CRYBG1: variants seen among roughly 807,000 people sequenced by gnomAD.
CRYBG1 encodes beta/gamma crystallin domain-containing protein 1.
CRYBG1 carries 139 observed loss-of-function variants against 189.2 expected under a neutral mutation model. The ratio of observed to expected loss-of-function variants is 0.73; its 90% CI spans 0.64 to 0.85. CRYBG1 has a LOEUF of 0.85. Among genes scored for constraint, CRYBG1 ranks in the 40% least tolerant of loss-of-function variants. The pLI, the probability that CRYBG1 is intolerant of heterozygous loss-of-function variation, is 0.00. For synonymous variants in CRYBG1, 1,023 were observed against 1,017.1 expected (o/e 1.01, Z -0.11); for missense variants, 2,611 against 2,675.8 (o/e 0.98, Z 0.53).
chr6:106,494,507 T>C (rs972042186), intron 2 of CRYBG1, among the ~76,000 whole-genome samples: 1 of 152,190 alleles, frequency 6.6e-6, no homozygotes, highest in African/African-American at 2.4e-5. Flanking sequence ...CTGGTGGTCA[T>C]GATGAAAGAA....
At chr6:106,464,785 C>G (rs189632293) in intron 2 of CRYBG1, among the ~76,000 whole-genome samples, 1 of 152,240 alleles carries the variant, frequency 6.6e-6, no homozygotes, top group Admixed American at 6.5e-5. Context: ...AATACTTCTT[C>G]CGAGAATTAA....
In CRYBG1 at chr6:106,360,962, G is replaced by T; in HGVS notation, c.54G>T (p.Arg18Ser). The T allele has an allele frequency of 6.5e-7, 1 of 1,535,218 alleles. No homozygotes were observed. The highest frequency in any genetic ancestry group is 8.7e-7 in the Non-Finnish European group (1 of 1,146,552). ...ACCCCGGGGAGCCCAGCCCGTGCAGGCCCCCTAAGAAGCACACCACCTTCC... is the reference window on the plus strand; with the variant it reads ...ACCCCGGGGAGCCCAGCCCGTGCAGTCCCCCTAAGAAGCACACCACCTTCC... ...QGDPGEPSPC[R>S]PPKKHTTFHL... The change falls in exon 1 of 22, where the codon AGG becomes AGT. Residue 18 changes from arginine to serine, a missense_variant. By Grantham distance (110) the Arg-to-Ser change is moderately radical (BLOSUM62 -1). Coordinates refer to ENST00000633556, the MANE Select transcript of CRYBG1 (RefSeq NM_001371242.2).
At chr6:106,501,104 G>A (rs976294737) in intron 2 of CRYBG1, among the ~76,000 whole-genome samples, 4 of 152,262 alleles carry the variant, frequency 2.6e-5, no homozygotes, top group Admixed American at 6.5e-5. Context: ...ACAAAATAAC[G>A]TTCTTGTTCC....
chr6:106,489,748 G>T (rs1369205200), intron 2 of CRYBG1, among the ~76,000 whole-genome samples: 1 of 70,774 alleles, frequency 1.4e-5, no homozygotes, highest in Non-Finnish European at 2.5e-5. Flanking sequence ...AAACAAGATT[G>T]TGCCACTGCA....
chr6:106,519,702 AC>A lies in CRYBG1; in HGVS notation c.2496del (p.Asp833IlefsTer62), dbSNP rs1417991448. 6.2e-7 allele frequency: 1 copy of A among 1,614,204 alleles called. No homozygotes were observed. The highest frequency in any genetic ancestry group is 1.1e-5 in the South Asian group (1 of 91,078). Reference sequence around the variant, plus strand: ...CAAAAGCCTTGTACTTGAAAATGTAACCGATACAGCACAAGACATCCCCACC... The same window carrying A: ...CAAAAGCCTTGTACTTGAAAATGTAACGATACAGCACAAGACATCCCCACC... ...DSKSLVLENVTDTAQDIPTTV... is the reference protein window; with the variant it reads ...DSKSLVLENVXDTAQDIPTTV... On this transcript the variant is annotated frameshift_variant, in exon 4 of 22. Coordinates refer to ENST00000633556, the MANE Select transcript of CRYBG1 (RefSeq NM_001371242.2). LOFTEE classifies it high-confidence loss of function.
rs1266336170 is a variant in CRYBG1 at position 106,384,391 on chromosome 6, GTC to G, written c.173+23316_173+23317del. Among the ~76,000 whole-genome samples, 6 of 152,248 alleles carry G rather than the reference GTC, an allele frequency of 3.9e-5. No individual in the cohort carries two copies. The South Asian group carries it at 8.3e-4, about 21-fold the overall frequency. On this transcript the variant is annotated intron_variant, in intron 1 of 21. Coordinates refer to ENST00000633556, the MANE Select transcript of CRYBG1 (RefSeq NM_001371242.2). Reference sequence around the variant, plus strand: ...GTGCATTACACTTATTGTGCACTTTGTCTCTCTTATTACTACATTGTAATATA... The same window carrying G: ...GTGCATTACACTTATTGTGCACTTTGTCTCTTATTACTACATTGTAATATA...
intron 2 of CRYBG1, among the ~76,000 whole-genome samples, chr6:106,500,435 A>AAC (rs1772980363): frequency 6.6e-6 from 1 of 150,828 alleles, no homozygotes; most frequent in African/African-American, 2.4e-5. Context: ...AAAAAAAACA[A>AAC]AAAAAAAAAC....
At chr6:106,519,043 G>A (rs1268002745) in intron 3 of CRYBG1, 88 bp from the exon 4 acceptor site, 10 of 1,390,160 alleles carry the variant, frequency 7.2e-6, no homozygotes, top group Non-Finnish European at 9.7e-6. Flanking sequence ...GGAGATGTTG[G>A]CTTTTCATAG....
chr6:106,561,246 C>A (rs1774709441), intron 19 of CRYBG1, 96 bp from the exon 20 acceptor site: 1 of 1,317,658 alleles, frequency 7.6e-7, no homozygotes, highest in Non-Finnish European at 1.1e-6. Flanking sequence ...TACCCTTAAT[C>A]CATATCTCAC....
At chr6:106,516,685 A>G (rs1393200862) in intron 3 of CRYBG1, among the ~76,000 whole-genome samples, 2 of 152,314 alleles carry the variant, frequency 1.3e-5, no homozygotes, top group East Asian at 3.9e-4. Context: ...AATGATAAAG[A>G]TGGAAAGAAC....
At chr6:106,386,122 G>T (rs963936631) in intron 1 of CRYBG1, among the ~76,000 whole-genome samples, 6 of 152,182 alleles carry the variant, frequency 3.9e-5, no homozygotes, top group African/African-American at 1.4e-4. Flanking sequence ...TACAAAGTGG[G>T]CTTACAGAAT....
At chr6:106,541,517 G>T (rs1774129339) in intron 9 of CRYBG1, 69 bp from the exon 10 acceptor site, 4 of 1,408,504 alleles carry the variant, frequency 2.8e-6, no homozygotes, top group Non-Finnish European at 4.0e-6. Flanking sequence ...ACTGTAAACT[G>T]CTATGGCTAA....
intron 8 of CRYBG1, 113 bp from the exon 9 acceptor site, chr6:106,539,290 A>T: frequency 8.0e-7 from 1 of 1,253,700 alleles, no homozygotes. Flanking sequence ...TTCATTATGT[A>T]GGTCCGTATC....
chr6:106,550,968 A>G (rs912940306), intron 13 of CRYBG1, among the ~76,000 whole-genome samples: 2 of 152,034 alleles, frequency 1.3e-5, no homozygotes, highest in African/African-American at 4.8e-5. Flanking sequence ...TACGCTTACC[A>G]TTTCTTTTGC....
intron 1 of CRYBG1, among the ~76,000 whole-genome samples, chr6:106,441,006 T>G (rs189702740): frequency 2.9e-4 from 44 of 152,332 alleles, no homozygotes; most frequent in Non-Finnish European, 1.2e-4. Flanking sequence ...TGAAATTGAC[T>G]TTTAGGGGCT....
intron 16 of CRYBG1, among the ~76,000 whole-genome samples, chr6:106,553,998 A>G (rs999133674): frequency 6.6e-6 from 1 of 152,166 alleles, no homozygotes; most frequent in Non-Finnish European, 1.5e-5. Flanking sequence ...AGGGCTTTGT[A>G]CTGGGAGGAG....
intron 1 of CRYBG1, among the ~76,000 whole-genome samples, chr6:106,368,801 T>G (rs1769957924): frequency 6.6e-6 from 1 of 152,130 alleles, no homozygotes; most frequent in Admixed American, 6.5e-5. Flanking sequence ...TATACTATAG[T>G]GTGGTTACTG....
intron 21 of CRYBG1, among the ~76,000 whole-genome samples, chr6:106,564,516 C>A (rs550382643): frequency 4.3e-4 from 65 of 152,090 alleles, no homozygotes; most frequent in Non-Finnish European, 8.2e-4. Flanking sequence ...GCGTGGTTGT[C>A]CTCAAACTTT....
chr6:106,404,751 G>T (rs1351950337), intron 1 of CRYBG1, among the ~76,000 whole-genome samples: 1 of 152,118 alleles, frequency 6.6e-6, no homozygotes, highest in Non-Finnish European at 1.5e-5. Flanking sequence ...GCAGTGTGGG[G>T]CATCACCTCA....
Sources: allele counts gnomAD v4.1 joint callset (sites outside exome capture counted in the v4.1 genomes callset), GRCh38; gene constraint gnomAD v4.1.1; transcripts MANE v1.5; gene names NCBI Gene and HGNC (gene_info 2026-07-23, HGNC 2026-07-21).